SYT12: variants seen among roughly 807,000 people sequenced by gnomAD.
SYT12 encodes synaptotagmin 12.
In SYT12, 27 loss-of-function variants were observed where a neutral mutation model predicts 39.5. The ratio of observed to expected loss-of-function variants is 0.68; its 90% CI spans 0.50 to 0.94. The LOEUF is 0.94. Among genes scored for constraint, SYT12 ranks in the 40% least tolerant of loss-of-function variants. The probability of loss-of-function intolerance (pLI) is 0.00; values close to 1 mark genes in which losing one functional copy is unlikely to be tolerated. For missense variants in SYT12, 536 were observed against 572.6 expected, an observed-to-expected ratio of 0.94 and a Z score of 0.65; for synonymous variants, 233 against 239.7, an observed-to-expected ratio of 0.97 and a Z score of 0.26.
intron 5 of SYT12, among the ~76,000 whole-genome samples, chr11:67,044,123 T>A (rs1322770749): frequency 6.6e-6 from 1 of 152,184 alleles, no homozygotes; most frequent in African/African-American, 2.4e-5. Flanking sequence ...TAGAGAAACA[T>A]TCCTCTAGCC....
At chr11:67,021,617 A>G (rs754586758), upstream of SYT12, among the ~76,000 whole-genome samples, 3 of 152,146 alleles carry the variant, frequency 2.0e-5, no homozygotes, top group Non-Finnish European at 4.4e-5. Context: ...AGAATACCCT[A>G]TTAGAGTCTG....
upstream of SYT12, among the ~76,000 whole-genome samples, chr11:67,022,510 A>G (rs1950120715): frequency 6.6e-6 from 1 of 152,236 alleles, no homozygotes. Context: ...TTCCCGGAAG[A>G]TGGAAGATCG....
intron 1 of SYT12, chr11:67,028,233 T>C (rs1172975082): frequency 6.6e-6 from 1 of 152,174 alleles, no homozygotes; most frequent in African/African-American, 2.4e-5. Context: ...TGGCGCTTGA[T>C]GTGTAAGAAG....
intron 1 of SYT12, chr11:67,028,377 C>T (rs1950210478): frequency 1.3e-5 from 2 of 152,090 alleles, no homozygotes; most frequent in African/African-American, 4.8e-5. Flanking sequence ...CGCACATCTC[C>T]TTGTGGGAGT....
At chr11:67,022,153 A>G (rs1251305642), upstream of SYT12, among the ~76,000 whole-genome samples, 3 of 151,976 alleles carry the variant, frequency 2.0e-5, no homozygotes, top group Admixed American at 1.3e-4. Flanking sequence ...AGGGCTCCCC[A>G]GCATCCTGTC....
At chr11:67,035,790 T>TTTTCTTCCTTCC (rs1491375358) in intron 3 of SYT12, among the ~76,000 whole-genome samples, 9 of 73,228 alleles carry the variant, frequency 1.2e-4, no homozygotes, top group African/African-American at 4.8e-4. Context: ...TTTTCTTTTC[T>TTTTCTTCCTTCC]TTCCTTCCTT....
At chr11:67,035,360 T>C (rs1334303442) in intron 3 of SYT12, among the ~76,000 whole-genome samples, 1 of 151,154 alleles carries the variant, frequency 6.6e-6, no homozygotes, top group Non-Finnish European at 1.5e-5. Flanking sequence ...AAATGCTCCT[T>C]GCAGAGCAGG....
At chr11:67,033,116 T>G (rs1950300929) in intron 2 of SYT12, among the ~76,000 whole-genome samples, 1 of 152,032 alleles carries the variant, frequency 6.6e-6, no homozygotes, top group Admixed American at 6.6e-5. Flanking sequence ...GCAGCAGTGA[T>G]GAGGAACTCC....
upstream of SYT12, among the ~76,000 whole-genome samples, chr11:67,022,064 C>T (rs1014182419): frequency 6.6e-6 from 1 of 151,918 alleles, no homozygotes; most frequent in African/African-American, 2.4e-5. Flanking sequence ...CAGGCGCCCG[C>T]CACCACACCT....
intron 3 of SYT12, among the ~76,000 whole-genome samples, chr11:67,035,770 T>G (rs2136218631): frequency 6.7e-6 from 1 of 148,480 alleles, no homozygotes; most frequent in South Asian, 2.1e-4. Context: ...CCTTTCTTTC[T>G]TTTCTTTTCT....
intron 7 of SYT12, among the ~76,000 whole-genome samples, chr11:67,047,572 C>A (rs928200568): frequency 1.3e-5 from 2 of 150,488 alleles, no homozygotes; most frequent in Admixed American, 6.6e-5. Flanking sequence ...CCAGCCAGAA[C>A]AAATATTATC....
intron 6 of SYT12, 78 bp downstream of exon 6, chr11:67,044,791 C>T (rs574928955): frequency 1.1e-5 from 18 of 1,580,706 alleles, no homozygotes; most frequent in Admixed American, 8.6e-5. Context: ...TGTGGGCACC[C>T]GGAGGCATCG....
upstream of SYT12, chr11:67,023,041 T>C (rs1273518562): frequency 6.6e-6 from 1 of 152,264 alleles, no homozygotes; most frequent in Non-Finnish European, 1.5e-5. Context: ...CAGAGGCCTG[T>C]GGGCACGTCC....
intron 2 of SYT12, among the ~76,000 whole-genome samples, chr11:67,034,171 C>T (rs1402804981): frequency 1.3e-5 from 2 of 152,138 alleles, no homozygotes; most frequent in African/African-American, 2.4e-5. Context: ...TTCATCATCC[C>T]CCAAAGAAAC....
At chr11:67,022,080 AT>A (rs572875893), upstream of SYT12, among the ~76,000 whole-genome samples, 20 of 151,244 alleles carry the variant, frequency 1.3e-4, no homozygotes, top group African/African-American at 3.9e-4. Flanking sequence ...CACCTGGCTA[AT>A]TTTTTTGTAT....
chr11:67,047,777 C>CTTTTTTTT (rs1173796349), intron 7 of SYT12, among the ~76,000 whole-genome samples: 5 of 76,032 alleles, frequency 6.6e-5, no homozygotes, highest in Admixed American at 1.3e-4. Context: ...ACCCCCATCT[C>CTTTTTTTT]TTTTTTTTTT....
At position 67,048,730 on chromosome 11, in the gene SYT12, C is replaced by G; in HGVS notation, c.1239C>G (p.Ser413=). ...QMLATLRRPV[S]MWHAVRRN is the part of the protein sequence containing the mutation. ...TGGCCACGCTGCGCAGGCCCGTGTC[C>G]ATGTGGCACGCTGTCCGGCGAAACT... The change falls in exon 8 of 8, where the codon TCC becomes TCG. Residue 413 remains serine (S), a synonymous_variant. Coordinates refer to ENST00000527043, the MANE Select transcript of SYT12 (RefSeq NM_177963.4). 6.2e-7 allele frequency: 1 copy of G among 1,600,010 alleles called. No individual in the cohort carries two copies. The highest frequency in any genetic ancestry group is 8.6e-7 in the Non-Finnish European group (1 of 1,168,650).
chr11:67,046,640 C>T (rs1026217826), intron 7 of SYT12, among the ~76,000 whole-genome samples: 6 of 152,232 alleles, frequency 3.9e-5, no homozygotes, highest in African/African-American at 7.2e-5. Flanking sequence ...TCCTGGGTAT[C>T]GTAGCCTTCA....
At position 67,035,458 on chromosome 11, in the gene SYT12, C is replaced by T. The variant is rs200787701; in HGVS notation, c.228+620C>T. On this transcript the variant is annotated intron_variant, in intron 3 of 7. Transcript: ENST00000527043. ...TTCTTTTTCTTTTTCTTTTTCTTTT[C>T]TTTTTTTTTTTTTTTTTGAGACGGA... 5.1e-3 allele frequency among the ~76,000 whole-genome samples: 452 copies of T among 89,394 alleles called. 1 individual carries two copies. Among genetic ancestry groups the T allele is most frequent in the African/African-American group, 0.013 (252 of 19,644 alleles). The allele number at this position is 89,394 out of a possible 152,430, so 58.6% of individuals were successfully genotyped here.
Sources: gnomAD v4.1 joint callset for allele counts (sites outside exome capture counted in the v4.1 genomes callset) on GRCh38, gnomAD v4.1.1 for gene constraint, MANE v1.5 for transcripts, NCBI Gene and HGNC (gene_info 2026-07-23, HGNC 2026-07-21) for gene names.